Variants in ARIH2 observed in about 807,000 individuals in gnomAD.
ARIH2 encodes E3 ubiquitin-protein ligase ARIH2.
In ARIH2, 12 loss-of-function variants were observed where a neutral mutation model predicts 79.8. The observed-to-expected ratio is 0.15, with a 90% CI of 0.10 to 0.24. ARIH2 has a LOEUF of 0.24. Among genes scored for constraint, ARIH2 ranks in the 10% least tolerant of loss-of-function variants. ARIH2 has a pLI of 1.00. For synonymous variants in ARIH2, 224 were observed against 213.9 expected (o/e 1.05, Z -0.41); for missense variants, 301 against 618.3 (o/e 0.49, Z 5.44).
chr3:48,981,343 A>AAAG lies in ARIH2; in HGVS notation c.1258-316_1258-314dup, dbSNP rs992056161. 5.9e-5 allele frequency among the ~76,000 whole-genome samples: 9 copies of AAAG among 152,214 alleles called. 1 individual carries two copies. Among genetic ancestry groups the AAAG allele is most frequent in the East Asian group, 5.8e-4 (3 of 5,184 alleles). On this transcript the variant is annotated intron_variant, in intron 13 of 15. Transcript: ENST00000356401. ...CAAAACCTTGTTTCAAAAAAAAAAA[A>AAAG]AAGGTTGTCTTTGGCTAAGCATTGA... is the stretch of plus-strand genomic sequence containing the variant.
chr3:48,935,164 G>A (rs1273230423), intron 3 of ARIH2, among the ~76,000 whole-genome samples: 1 of 152,048 alleles, frequency 6.6e-6, no homozygotes, highest in Non-Finnish European at 1.5e-5. Flanking sequence ...AACCAATATT[G>A]GGTATTTATT....
At chr3:48,921,525 C>T (rs2084824717) in intron 1 of ARIH2, 1 of 150,042 alleles carries the variant, frequency 6.7e-6, no homozygotes, top group Admixed American at 6.7e-5. Flanking sequence ...GCCTCCATCT[C>T]CCAGATCAAG....
chr3:48,927,533 G>A lies in ARIH2; in HGVS notation c.-26G>A. On this transcript the variant is annotated 5_prime_UTR_variant, in exon 3 of 16. Coordinates refer to ENST00000356401, the MANE Select transcript of ARIH2 (RefSeq NM_006321.4). ...AGGGGGAAAAAGCAACTGCTTTCCT[G>A]ATCTGCAACTTGGCTGGATGCTAAG... 6.2e-7 allele frequency: 1 copy of A among 1,608,628 alleles called. No individual in the cohort carries two copies. The highest frequency in any genetic ancestry group is 8.5e-7 in the Non-Finnish European group (1 of 1,177,708).
chr3:48,978,299 A>G (rs909236006), intron 11 of ARIH2, among the ~76,000 whole-genome samples: 1 of 146,364 alleles, frequency 6.8e-6, no homozygotes, highest in Non-Finnish European at 1.5e-5. Context: ...TCTGTCACCT[A>G]GGCTGGAGTG....
chr3:48,966,132 C>T (rs938173056), intron 5 of ARIH2, among the ~76,000 whole-genome samples: 3 of 152,158 alleles, frequency 2.0e-5, no homozygotes, highest in African/African-American at 7.2e-5. Flanking sequence ...TAGCAATTTC[C>T]TGTTTATCTA....
At chr3:48,956,181 G>A (rs1442443730) in intron 3 of ARIH2, among the ~76,000 whole-genome samples, 1 of 150,104 alleles carries the variant, frequency 6.7e-6, no homozygotes, top group African/African-American at 2.5e-5. Flanking sequence ...CTCTGTCACC[G>A]AGGCTGGAGT....
rs557711320 is a variant in ARIH2 at position 48,922,390 on chromosome 3, G to C, written c.-161-358G>C. On this transcript the variant is annotated intron_variant, in intron 1 of 15. Transcript: ENST00000356401. ...GCGATCTCACCTCACTGCAACCTCT[G>C]CCTCCCTGGTTGGAGTGATTCTCCT... The C allele has an allele frequency of 4.4e-4, 66 of 150,730 alleles. 1 individual carries two copies. The highest frequency in any genetic ancestry group is 6.9e-3 in the Middle Eastern group (2 of 288). 9.3% of individuals were successfully genotyped at this position (150,730 alleles called of 1,614,324 possible). A position where few individuals can be genotyped will look rare whatever the true frequency, so the allele number is the denominator to read the frequency against.
chr3:48,982,613 G>A (rs1187990726), intron 14 of ARIH2: 1 of 353,688 alleles, frequency 2.8e-6, no homozygotes, highest in East Asian at 5.2e-5. Flanking sequence ...TTCATGTTGG[G>A]AGTGTTCTCT....
chr3:48,979,357 AC>A, intron 11 of ARIH2, 124 bp from the exon 12 acceptor site: 1 of 954,044 alleles, frequency 1.0e-6, no homozygotes, highest in Non-Finnish European at 1.6e-6. Context: ...GGAAAGAGGC[AC>A]CCTTGGGAAG....
At chr3:48,966,399 C>T (rs1353278583) in intron 5 of ARIH2, among the ~76,000 whole-genome samples, 1 of 152,104 alleles carries the variant, frequency 6.6e-6, no homozygotes, top group Non-Finnish European at 1.5e-5. Flanking sequence ...TAGCCAAGGT[C>T]CCCAGATTGT....
In ARIH2 at chr3:48,983,678, T is replaced by C. The variant is rs111674320; in HGVS notation, c.*408T>C. 0.031 allele frequency: 5,530 copies of C among 178,872 alleles called. 123 individuals carry two copies. Among genetic ancestry groups the C allele is most frequent in the Non-Finnish European group, 0.05 (4,223 of 84,322 alleles). The allele number at this position is 178,872 out of a possible 1,614,324, so 11.1% of individuals were successfully genotyped here. On this transcript the variant is annotated 3_prime_UTR_variant, in exon 16 of 16. Transcript: ENST00000356401. Reference sequence around the variant, plus strand: ...GAAAATAAATTGGCATTGGAGTGTTTTACCCTCTAGCTGTTTTACTTAGAA... The same window carrying C: ...GAAAATAAATTGGCATTGGAGTGTTCTACCCTCTAGCTGTTTTACTTAGAA...
rs755334850 is a variant in ARIH2, at chr3:48,927,509, G to A, written c.-50G>A. 1.3e-6 allele frequency: 2 copies of A among 1,585,996 alleles called. No individual in the cohort carries two copies. The highest frequency in any genetic ancestry group is 1.7e-6 in the Non-Finnish European group (2 of 1,168,172). ...TGAGAAAGCGGTAGTTTTGGGGGGA[G>A]GGGGAAAAAGCAACTGCTTTCCTGA... On this transcript the variant is annotated 5_prime_UTR_variant, in exon 3 of 16. Transcript: ENST00000356401.
At chr3:48,977,389 TC>T (rs2092566638) in intron 11 of ARIH2, among the ~76,000 whole-genome samples, 1 of 151,632 alleles carries the variant, frequency 6.6e-6, no homozygotes, top group Non-Finnish European at 1.5e-5. Context: ...CACTGCAACC[TC>T]CACCTCCCAG....
chr3:48,946,325 A>G (rs1656589937), intron 3 of ARIH2, among the ~76,000 whole-genome samples: 1 of 151,908 alleles, frequency 6.6e-6, no homozygotes, highest in Non-Finnish European at 1.5e-5. Context: ...CATCTACTCT[A>G]GGTTTCTAGG....
At chr3:48,919,296 G>A (rs1320950528) in intron 1 of ARIH2, 5 of 1,009,160 alleles carry the variant, frequency 5.0e-6, no homozygotes, top group Non-Finnish European at 5.2e-6. Flanking sequence ...TGGCGCGGCG[G>A]GGAAACGCGC....
intron 11 of ARIH2, among the ~76,000 whole-genome samples, chr3:48,976,504 C>T (rs1356150357): frequency 1.3e-5 from 2 of 152,134 alleles, no homozygotes; most frequent in East Asian, 1.9e-4. Context: ...AGCCACCGCT[C>T]CCGGCCCCAG....
chr3:48,926,449 T>C (rs2085628528), intron 2 of ARIH2, among the ~76,000 whole-genome samples: 1 of 151,998 alleles, frequency 6.6e-6, no homozygotes, highest in Non-Finnish European at 1.5e-5. Flanking sequence ...TTTGTATTTT[T>C]AGTAGAGACA....
intron 13 of ARIH2, 94 bp downstream of exon 13, chr3:48,980,590 AT>A: frequency 7.1e-7 from 1 of 1,413,702 alleles, no homozygotes; most frequent in Non-Finnish European, 9.6e-7. Flanking sequence ...GAAAGAGGGT[AT>A]TTTAGCACCC....
chr3:48,928,180 A>T (rs1350418770), intron 3 of ARIH2, among the ~76,000 whole-genome samples: 1 of 152,192 alleles, frequency 6.6e-6, no homozygotes, highest in African/African-American at 2.4e-5. Flanking sequence ...CTTCTGTACG[A>T]CTGTGAGTGA....
Sources: gnomAD v4.1 joint callset for allele counts (sites outside exome capture counted in the v4.1 genomes callset) on GRCh38, gnomAD v4.1.1 for gene constraint, MANE v1.5 for transcripts, NCBI Gene and HGNC (gene_info 2026-07-23, HGNC 2026-07-21) for gene names.